The following COL21A1 variants were observed in gnomAD, a reference collection of about 807,000 sequenced individuals.
The protein encoded by COL21A1 is collagen type XXI alpha 1 chain.
In COL21A1, 149 loss-of-function variants were observed where a neutral mutation model predicts 137.9. The observed-to-expected ratio is 1.08, with a 90% CI of 0.95 to 1.24. The LOEUF (loss-of-function observed/expected upper bound fraction) is 1.24, where lower values mean the gene tolerates loss of function less well. Among genes scored for constraint, COL21A1 ranks in the 50% most tolerant of loss-of-function variants. COL21A1 has a pLI of 0.00. For synonymous variants in COL21A1, 456 were observed against 391.5 expected, an observed-to-expected ratio of 1.16 and a Z score of -1.95; for missense variants, 1,167 against 1,158.4, an observed-to-expected ratio of 1.01 and a Z score of -0.11.
intron 1 of COL21A1, among the ~76,000 whole-genome samples, chr6:56,198,231 A>G (rs1779160665): frequency 6.6e-6 from 1 of 152,080 alleles, no homozygotes; most frequent in Admixed American, 6.6e-5. Context: ...GGAAGAGAGG[A>G]GATGTTGGTC....
chr6:56,098,425 A>G (rs1582339022), intron 17 of COL21A1, among the ~76,000 whole-genome samples: 1 of 7,308 alleles, frequency 1.4e-4, no homozygotes, highest in African/African-American at 8.6e-4. Context: ...ATATATAAAT[A>G]TATAAATATA....
chr6:56,349,081 G>A (rs1324253740), intron 1 of COL21A1, among the ~76,000 whole-genome samples: 1 of 152,144 alleles, frequency 6.6e-6, no homozygotes, highest in Admixed American at 6.5e-5. Context: ...GTGGAGAAAA[G>A]AGCAAAGAAT....
intron 26 of COL21A1, 33 bp downstream of exon 26, chr6:56,060,858 A>G (rs773537716): frequency 2.5e-6 from 4 of 1,585,204 alleles, no homozygotes; most frequent in Non-Finnish European, 3.4e-6. Context: ...ATCAATGAAA[A>G]TGTAATAACT....
chr6:56,242,715 C>A (rs1017628173), intron 1 of COL21A1, among the ~76,000 whole-genome samples: 8 of 152,154 alleles, frequency 5.3e-5, no homozygotes, highest in Admixed American at 2.0e-4. Context: ...ATATTGAATT[C>A]TTTGAAGTGA....
At chr6:56,377,108 G>C (rs970262394) in intron 1 of COL21A1, among the ~76,000 whole-genome samples, 1 of 151,408 alleles carries the variant, frequency 6.6e-6, no homozygotes, top group Non-Finnish European at 1.5e-5. Flanking sequence ...CTCCCGAGTA[G>C]CTGGGACTAC....
At chr6:56,175,218 C>G (rs1582559919) in intron 3 of COL21A1, among the ~76,000 whole-genome samples, 1 of 152,146 alleles carries the variant, frequency 6.6e-6, no homozygotes. Context: ...AAAGCTTTTC[C>G]TCTAAGATGA....
rs767488083 is a variant in COL21A1 at position 56,061,645 on chromosome 6, A to T, written c.2205+4T>A. ...AAGAGAGCATAATATATGAAGAAAC[A>T]TACCTCTCCTTTTGCACCATGATGG... On this transcript the variant is annotated splice_donor_region_variant and intron_variant, in intron 25 of 29. Coordinates refer to ENST00000244728, the MANE Select transcript of COL21A1 (RefSeq NM_030820.4). 6.3e-6 allele frequency: 10 copies of T among 1,584,468 alleles called. No homozygotes were observed. In the Admixed American group the frequency reaches 1.5e-4, roughly 24 times the overall value.
At chr6:56,093,784 A>C (rs1471685583) in intron 17 of COL21A1, among the ~76,000 whole-genome samples, 1 of 152,162 alleles carries the variant, frequency 6.6e-6, no homozygotes. Flanking sequence ...GTTTCTGCTG[A>C]TATAACATTA....
At chr6:56,060,269 G>A (rs1765684735) in intron 27 of COL21A1, 51 bp from the exon 28 acceptor site, 1 of 1,396,100 alleles carries the variant, frequency 7.2e-7, no homozygotes, top group African/African-American at 1.5e-5. Flanking sequence ...GTGAGTTGGT[G>A]TTAATTATAT....
At chr6:56,187,953 A>T (rs1778405309) in intron 1 of COL21A1, among the ~76,000 whole-genome samples, 1 of 152,190 alleles carries the variant, frequency 6.6e-6, no homozygotes, top group South Asian at 2.1e-4. Context: ...AAGAAAAACA[A>T]CACAATTTTT....
chr6:56,182,916 T>A (rs1561958264), intron 1 of COL21A1, among the ~76,000 whole-genome samples: 1 of 152,210 alleles, frequency 6.6e-6, no homozygotes, highest in East Asian at 1.9e-4. Flanking sequence ...TTGAGCTTTT[T>A]GCAAAATATT....
At chr6:56,193,849 G>T (rs1778855845) in intron 1 of COL21A1, among the ~76,000 whole-genome samples, 1 of 151,782 alleles carries the variant, frequency 6.6e-6, no homozygotes, top group African/African-American at 2.4e-5. Context: ...CCACCTCCCA[G>T]GCTCAAGCGA....
intron 1 of COL21A1, among the ~76,000 whole-genome samples, chr6:56,252,800 AG>A (rs1204044376): frequency 2.0e-5 from 3 of 152,194 alleles, no homozygotes; most frequent in Non-Finnish European, 4.4e-5. Flanking sequence ...TACCATAAAA[AG>A]GAAAAATGAA....
chr6:56,184,440 G>A (rs371110188), intron 1 of COL21A1, among the ~76,000 whole-genome samples: 1 of 151,570 alleles, frequency 6.6e-6, no homozygotes. Flanking sequence ...AACAAAAAAT[G>A]AAAAAAAATA....
At chr6:56,107,657 A>G (rs1295649172) in intron 16 of COL21A1, among the ~76,000 whole-genome samples, 1 of 152,172 alleles carries the variant, frequency 6.6e-6, no homozygotes, top group African/African-American at 2.4e-5. Context: ...AACAGTGAAA[A>G]GTGGTGAGAC....
At chr6:56,356,389 C>T (rs1046308034) in intron 1 of COL21A1, among the ~76,000 whole-genome samples, 1 of 152,178 alleles carries the variant, frequency 6.6e-6, no homozygotes, top group Non-Finnish European at 1.5e-5. Flanking sequence ...TAGCAACATC[C>T]TTGGCCTCTA....
At chr6:56,097,620 A>G (rs1769462290) in intron 17 of COL21A1, among the ~76,000 whole-genome samples, 2 of 150,648 alleles carry the variant, frequency 1.3e-5, no homozygotes, top group Non-Finnish European at 2.9e-5. Context: ...CTAGACAGGA[A>G]TAAGTCTTGA....
chr6:56,168,574 T>A (rs559084043), intron 5 of COL21A1, among the ~76,000 whole-genome samples: 2 of 152,106 alleles, frequency 1.3e-5, no homozygotes, highest in Non-Finnish European at 2.9e-5. Flanking sequence ...AGTTTAATAA[T>A]CTCTGAATCC....
intron 1 of COL21A1, among the ~76,000 whole-genome samples, chr6:56,388,289 T>C (rs2094022495): frequency 6.6e-6 from 1 of 152,174 alleles, no homozygotes. Context: ...CTACGGGCCT[T>C]GGGTGAGACC....
Sources: allele counts gnomAD v4.1 joint callset (sites outside exome capture counted in the v4.1 genomes callset), GRCh38; gene constraint gnomAD v4.1.1; transcripts MANE v1.5; gene names NCBI Gene and HGNC (gene_info 2026-07-23, HGNC 2026-07-21).